Variants in PLVAP observed in about 807,000 individuals in gnomAD.
The protein encoded by PLVAP is plasmalemma vesicle associated protein.
PLVAP carries 34 observed loss-of-function variants against 43.1 expected under a neutral mutation model. The ratio of observed to expected loss-of-function variants is 0.79; its 90% CI spans 0.60 to 1.05. The LOEUF is 1.05. Among genes scored for constraint, PLVAP ranks in the 50% least tolerant of loss-of-function variants. The pLI is 0.00. For synonymous variants in PLVAP, 241 were observed against 237.3 expected, an observed-to-expected ratio of 1.02 and a Z score of -0.14; for missense variants, 574 against 593.4, an observed-to-expected ratio of 0.97 and a Z score of 0.34.
chr19:17,354,093 C>T (rs12462422), intron 5 of PLVAP, among the ~76,000 whole-genome samples: 31,532 of 151,768 alleles, frequency 0.21, 3,863 homozygotes, highest in East Asian at 0.36. Flanking sequence ...AGTTCAAAAC[C>T]AGCCTGGCCA....
intron 5 of PLVAP, among the ~76,000 whole-genome samples, chr19:17,360,120 G>A (rs991939022): frequency 6.6e-6 from 1 of 152,178 alleles, no homozygotes; most frequent in Non-Finnish European, 1.5e-5. Context: ...TGCTCCCTGG[G>A]GTACAGGGCA....
chr19:17,375,367 C>T (rs995826300), intron 1 of PLVAP, among the ~76,000 whole-genome samples: 5 of 152,046 alleles, frequency 3.3e-5, no homozygotes, highest in Non-Finnish European at 5.9e-5. Context: ...CCAATTAACA[C>T]ACAGGAGGAG....
rs1245775101 is a variant in PLVAP, at chr19:17,354,632, C to T, written c.1323-2264G>A. Among the ~76,000 whole-genome samples the T allele has an allele frequency of 2.1e-5, 3 of 145,284 alleles. No individual in the cohort carries two copies. The East Asian group carries it at 6.3e-4, about 30-fold the overall frequency. Reference sequence around the variant, plus strand: ...AAAAAAAAAGGGCCGGGCGCTGTGACTCACACCTGTAATCCCAGCACTTTG... The same window carrying T: ...AAAAAAAAAGGGCCGGGCGCTGTGATTCACACCTGTAATCCCAGCACTTTG... On this transcript the variant is annotated intron_variant, in intron 5 of 5. Transcript: ENST00000252590.
intron 3 of PLVAP, among the ~76,000 whole-genome samples, chr19:17,361,392 C>A (rs971620550): frequency 1.3e-5 from 2 of 152,262 alleles, no homozygotes; most frequent in Admixed American, 1.3e-4. Flanking sequence ...ATCACCTCGG[C>A]AGTCCTGAGG....
At chr19:17,359,616 G>A (rs2074519837) in intron 5 of PLVAP, among the ~76,000 whole-genome samples, 1 of 151,162 alleles carries the variant, frequency 6.6e-6, no homozygotes, top group African/African-American at 2.4e-5. Context: ...ATGTTGGCCA[G>A]ATGGTCTTGA....
chr19:17,370,010 A>AG (rs1462026400), intron 1 of PLVAP, among the ~76,000 whole-genome samples: 1 of 150,906 alleles, frequency 6.6e-6, no homozygotes, highest in Non-Finnish European at 1.5e-5. Flanking sequence ...CTAAAAAAAA[A>AG]AAAAAAAAAA....
At chr19:17,369,059 A>G (rs962498484) in intron 1 of PLVAP, among the ~76,000 whole-genome samples, 2 of 152,098 alleles carry the variant, frequency 1.3e-5, no homozygotes, top group Non-Finnish European at 2.9e-5. Flanking sequence ...CCCCGCTAAC[A>G]CTTTGATCTT....
intron 1 of PLVAP, among the ~76,000 whole-genome samples, chr19:17,367,064 T>G (rs1599576500): frequency 6.6e-6 from 1 of 150,660 alleles, no homozygotes; most frequent in Non-Finnish European, 1.5e-5. Context: ...TGCATCAGTC[T>G]CCCGAGGAGC....
At chr19:17,372,161 G>A (rs1330020173) in intron 1 of PLVAP, among the ~76,000 whole-genome samples, 1 of 150,768 alleles carries the variant, frequency 6.6e-6, no homozygotes, top group African/African-American at 2.4e-5. Context: ...GAGAAGAGGT[G>A]TCTTGGGAGG....
intron 5 of PLVAP, among the ~76,000 whole-genome samples, chr19:17,354,678 C>T (rs575287484): frequency 8.4e-4 from 127 of 150,538 alleles, no homozygotes; most frequent in African/African-American, 2.9e-3. Flanking sequence ...GCAGGCGGAT[C>T]ACGAGATGAG....
At chr19:17,371,295 G>T (rs1048141035) in intron 1 of PLVAP, among the ~76,000 whole-genome samples, 1 of 150,390 alleles carries the variant, frequency 6.6e-6, no homozygotes, top group African/African-American at 2.4e-5. Context: ...CCAAGTAGCT[G>T]GGAATACAGG....
chr19:17,355,775 C>A (rs2074504517), intron 5 of PLVAP, among the ~76,000 whole-genome samples: 1 of 152,038 alleles, frequency 6.6e-6, no homozygotes, highest in African/African-American at 2.4e-5. Context: ...ACCTCATGAT[C>A]TGCCCGCCTC....
intron 1 of PLVAP, among the ~76,000 whole-genome samples, chr19:17,372,731 T>C (rs1352762854): frequency 9.9e-5 from 15 of 150,888 alleles, no homozygotes; most frequent in South Asian, 6.3e-4. Context: ...GTTGGGATTA[T>C]AGGTGTGAGC....
chr19:17,365,222 C>T, intron 3 of PLVAP, 64 bp downstream of exon 3: 1 of 1,476,872 alleles, frequency 6.8e-7, no homozygotes, highest in Non-Finnish European at 9.1e-7. Flanking sequence ...TTCAAATCGC[C>T]ACCACCCTCT....
chr19:17,353,001 T>G (rs960513205), intron 5 of PLVAP, among the ~76,000 whole-genome samples: 1 of 152,076 alleles, frequency 6.6e-6, no homozygotes, highest in African/African-American at 2.4e-5. Flanking sequence ...CCCCACCGCC[T>G]TTGCACGATC....
At position 17,361,836 on chromosome 19, in the gene PLVAP, G is replaced by A. The variant is rs1487648528; in HGVS notation, c.1180-1004C>T. 3.9e-5 allele frequency among the ~76,000 whole-genome samples: 6 copies of A among 151,940 alleles called. No homozygotes were observed. In the East Asian group the frequency reaches 5.8e-4, roughly 15 times the overall value. On this transcript the variant is annotated intron_variant, in intron 3 of 5. Coordinates refer to ENST00000252590, the MANE Select transcript of PLVAP (RefSeq NM_031310.3). ...CGTAATCCCAACACTTTGGGAAGCC[G>A]AGGTGGGCAGATCCCCTGAGGTCAG...
intron 1 of PLVAP, among the ~76,000 whole-genome samples, chr19:17,374,473 C>T (rs966151678): frequency 1.3e-5 from 2 of 151,528 alleles, no homozygotes; most frequent in Admixed American, 6.6e-5. Context: ...TCAAACAAAA[C>T]AAAACAACAA....
chr19:17,377,118 C>T lies in PLVAP; in HGVS notation c.171G>A (p.Glu57=). Residue 57 remains glutamate, a synonymous_variant, in exon 1 of 6, where the codon GAG becomes GAA. Coordinates refer to ENST00000252590, the MANE Select transcript of PLVAP (RefSeq NM_031310.3). The part of the protein sequence containing the change: ...MVYGNVHVST[E]SNLQATERRA... ...GGCGCTCGGTGGCCTGCAGGTTGGA[C>T]TCTGTGCTCACGTGCACGTTGCCAT... 6.2e-7 allele frequency: 1 copy of T among 1,614,140 alleles called. No homozygotes were observed. The highest frequency in any genetic ancestry group is 1.1e-5 in the South Asian group (1 of 91,076).
chr19:17,352,675 G>C (rs1244277262), intron 5 of PLVAP, among the ~76,000 whole-genome samples: 1 of 152,110 alleles, frequency 6.6e-6, no homozygotes, highest in African/African-American at 2.4e-5. Flanking sequence ...CGAGCCCCAA[G>C]CCTCTGCTAC....
Sources: gnomAD v4.1 joint callset for allele counts (sites outside exome capture counted in the v4.1 genomes callset) on GRCh38, gnomAD v4.1.1 for gene constraint, MANE v1.5 for transcripts, NCBI Gene and HGNC (gene_info 2026-07-23, HGNC 2026-07-21) for gene names.